PCDH9: variants seen among roughly 807,000 people sequenced by gnomAD.
The protein encoded by PCDH9 is protocadherin-9.
In PCDH9, 24 loss-of-function variants were observed where a neutral mutation model predicts 70.6. The ratio of observed to expected loss-of-function variants is 0.34; its 90% confidence interval spans 0.25 to 0.48. The LOEUF (loss-of-function observed/expected upper bound fraction) is 0.48, where lower values mean the gene tolerates loss of function less well. Among genes scored for constraint, PCDH9 ranks in the 20% least tolerant of loss-of-function variants. The pLI is 0.99. For missense variants in PCDH9, 1,281 were observed against 1,503.6 expected, an observed-to-expected ratio of 0.85 and a Z score of 2.45; for synonymous variants, 562 against 558.5, an observed-to-expected ratio of 1.01 and a Z score of -0.09.
intron 3 of PCDH9, among the ~76,000 whole-genome samples, chr13:66,782,428 G>A (rs967874309): frequency 3.3e-5 from 5 of 151,862 alleles, no homozygotes; most frequent in East Asian, 3.9e-4. Flanking sequence ...AGAACTAGGC[G>A]GCCCAATGTG....
At chr13:66,940,027 A>G (rs1376027513) in intron 2 of PCDH9, among the ~76,000 whole-genome samples, 4 of 152,222 alleles carry the variant, frequency 2.6e-5, no homozygotes, top group African/African-American at 4.8e-5. Flanking sequence ...TTGATGCAGC[A>G]TAATATAGAT....
At chr13:66,613,409 T>A (rs560889631) in intron 4 of PCDH9, among the ~76,000 whole-genome samples, 2 of 152,364 alleles carry the variant, frequency 1.3e-5, no homozygotes, top group South Asian at 4.1e-4. Context: ...CTTTAAAGTC[T>A]CTTTTTCCCT....
intron 4 of PCDH9, among the ~76,000 whole-genome samples, chr13:66,465,598 C>T (rs1030120713): frequency 1.3e-5 from 2 of 151,802 alleles, no homozygotes; most frequent in Non-Finnish European, 2.9e-5. Context: ...AAACTAACCA[C>T]AGCATTTCAG....
At chr13:66,709,725 C>A (rs930480518) in intron 3 of PCDH9, among the ~76,000 whole-genome samples, 1 of 152,090 alleles carries the variant, frequency 6.6e-6, no homozygotes, top group Admixed American at 6.6e-5. Context: ...TGCTAAAAAT[C>A]ATTGGCAATG....
intron 4 of PCDH9, among the ~76,000 whole-genome samples, chr13:66,357,884 A>G (rs1273582044): frequency 4.6e-5 from 7 of 152,036 alleles, no homozygotes; most frequent in Non-Finnish European, 4.4e-5. Context: ...TATAATCTAT[A>G]TAATATACCT....
intron 4 of PCDH9, among the ~76,000 whole-genome samples, chr13:66,619,351 A>G (rs1161521550): frequency 6.6e-6 from 1 of 152,156 alleles, no homozygotes; most frequent in East Asian, 1.9e-4. Flanking sequence ...GGTGTTTTGG[A>G]GCCCCATCAG....
At chr13:66,426,778 C>A (rs1957677827) in intron 4 of PCDH9, among the ~76,000 whole-genome samples, 2 of 151,452 alleles carry the variant, frequency 1.3e-5, no homozygotes, top group Non-Finnish European at 3.0e-5. Flanking sequence ...CTATTAATAA[C>A]TCCTTTAATA....
intron 4 of PCDH9, among the ~76,000 whole-genome samples, chr13:66,356,118 T>G (rs1369500196): frequency 6.6e-6 from 1 of 152,154 alleles, no homozygotes. Flanking sequence ...CATTAAAAAT[T>G]AAAACATTTA....
At chr13:66,446,884 T>A (rs1034942667) in intron 4 of PCDH9, among the ~76,000 whole-genome samples, 2 of 152,032 alleles carry the variant, frequency 1.3e-5, no homozygotes, top group Non-Finnish European at 2.9e-5. Flanking sequence ...AACAGCACAT[T>A]CTATAAATAA....
intron 3 of PCDH9, among the ~76,000 whole-genome samples, chr13:66,802,583 TA>T (rs941907432): frequency 1.8e-4 from 28 of 152,184 alleles, no homozygotes; most frequent in African/African-American, 6.7e-4. Context: ...TAATCTGATA[TA>T]AAAAATGTAC....
intron 3 of PCDH9, among the ~76,000 whole-genome samples, chr13:66,633,459 A>G (rs1290749322): frequency 6.6e-6 from 1 of 152,180 alleles, no homozygotes; most frequent in Non-Finnish European, 1.5e-5. Context: ...AAAACCAATA[A>G]TACAAATATT....
chr13:67,182,306 A>G lies in PCDH9; in HGVS notation c.3036+43099T>C, dbSNP rs185869098. 6.0e-3 allele frequency among the ~76,000 whole-genome samples: 909 copies of G among 152,282 alleles called. 6 individuals are homozygous for G. The highest frequency in any genetic ancestry group is 0.021 in the African/African-American group (871 of 41,566). ...AATTTCCCCTGTCATTAAAGTGAAA[A>G]AACATGGAGTTGAGAGGTTAGACAC... On this transcript the variant is annotated intron_variant, in intron 2 of 4. Transcript: ENST00000377865.
At chr13:66,562,739 T>G (rs2076592360) in intron 4 of PCDH9, among the ~76,000 whole-genome samples, 1 of 152,114 alleles carries the variant, frequency 6.6e-6, no homozygotes, top group African/African-American at 2.4e-5. Context: ...CCAAATGGTA[T>G]CAATGCCTGA....
At position 66,333,505 on chromosome 13, in the gene PCDH9, C is replaced by T. The variant is rs200750070; in HGVS notation, c.3341-28477G>A. ...GTGGGTCCCCAAGGACCAGCTACCT[C>T]TGTGAAGGATAAAAATTACTTTAGA... is the stretch of plus-strand genomic sequence containing the variant. On this transcript the variant is annotated intron_variant, in intron 4 of 4. Coordinates refer to ENST00000377865, the MANE Select transcript of PCDH9 (RefSeq NM_203487.3). Among the ~76,000 whole-genome samples, 5 of 152,186 alleles carry T rather than the reference C, an allele frequency of 3.3e-5. No homozygotes were observed. The East Asian group carries it at 7.7e-4, about 23-fold the overall frequency.
chr13:66,820,416 C>T (rs2080690018), intron 3 of PCDH9, among the ~76,000 whole-genome samples: 1 of 152,124 alleles, frequency 6.6e-6, no homozygotes, highest in African/African-American at 2.4e-5. Flanking sequence ...TAAATTAGTT[C>T]AACCATTGTG....
chr13:66,507,923 G>A (rs748016260), intron 4 of PCDH9, among the ~76,000 whole-genome samples: 6 of 151,822 alleles, frequency 4.0e-5, no homozygotes, highest in African/African-American at 1.2e-4. Flanking sequence ...GGGTTTCACC[G>A]CGTTAGCCAG....
intron 2 of PCDH9, among the ~76,000 whole-genome samples, chr13:67,146,050 G>A (rs1346165919): frequency 2.6e-5 from 4 of 152,038 alleles, no homozygotes; most frequent in African/African-American, 9.7e-5. Context: ...TTAATCTTCA[G>A]ATTTAATAGG....
At chr13:66,794,781 C>T (rs2080214232) in intron 3 of PCDH9, among the ~76,000 whole-genome samples, 1 of 152,030 alleles carries the variant, frequency 6.6e-6, no homozygotes. Flanking sequence ...AGCAGTGAAA[C>T]AATATAAGAT....
At chr13:67,113,303 T>C (rs1408851247) in intron 2 of PCDH9, among the ~76,000 whole-genome samples, 1 of 152,150 alleles carries the variant, frequency 6.6e-6, no homozygotes, top group African/African-American at 2.4e-5. Flanking sequence ...CAAAAAATAT[T>C]TCTAACTATG....
Sources: allele counts gnomAD v4.1 joint callset (sites outside exome capture counted in the v4.1 genomes callset), GRCh38; gene constraint gnomAD v4.1.1; transcripts MANE v1.5; gene names NCBI Gene and HGNC (gene_info 2026-07-23, HGNC 2026-07-21).